Variants in RABGAP1L observed in about 807,000 individuals in gnomAD.
The protein encoded by RABGAP1L is RAB GTPase activating protein 1 like.
A neutral mutation model predicts 137.7 loss-of-function variants in RABGAP1L; 63 were observed. That is an observed-to-expected ratio of 0.46 (90% confidence interval 0.37 to 0.56). The LOEUF is 0.56. RABGAP1L is among the 20% of genes least tolerant of loss of function. The pLI is 0.00. For missense variants in RABGAP1L, 1,095 were observed against 1,244.0 expected (o/e 0.88, Z 1.80); for synonymous variants, 431 against 433.7 (o/e 0.99, Z 0.08).
intron 14 of RABGAP1L, among the ~76,000 whole-genome samples, chr1:174,668,321 A>T (rs1676933893): frequency 6.6e-6 from 1 of 152,150 alleles, no homozygotes; most frequent in South Asian, 2.1e-4. Context: ...CAATGAGGTC[A>T]ACTTTTTTTT....
intron 13 of RABGAP1L, among the ~76,000 whole-genome samples, chr1:174,405,196 T>C (rs1288045260): frequency 1.3e-5 from 2 of 152,258 alleles, no homozygotes; most frequent in East Asian, 3.8e-4. Flanking sequence ...AGTCAAATTA[T>C]AGTATCTGCT....
rs189049398 is a variant in RABGAP1L, at chr1:174,809,609, A to G, written c.2212-2223A>G. Among the ~76,000 whole-genome samples the G allele has an allele frequency of 4.5e-4, 69 of 152,292 alleles. 1 individual carries two copies. Among genetic ancestry groups the G allele is most frequent in the Admixed American group, 1.4e-3 (21 of 15,294 alleles). On this transcript the variant is annotated intron_variant, in intron 18 of 25. Coordinates refer to ENST00000681986, the MANE Select transcript of RABGAP1L (RefSeq NM_001366446.1). Reference sequence around the variant, plus strand: ...GGGGCATCTGTTTCCAGGTAACTAGAGGTTAATTGCATTGAAAATAGAAGA... The same window carrying G: ...GGGGCATCTGTTTCCAGGTAACTAGGGGTTAATTGCATTGAAAATAGAAGA...
chr1:174,399,047 A>G (rs533216182), intron 13 of RABGAP1L, among the ~76,000 whole-genome samples: 20 of 152,332 alleles, frequency 1.3e-4, no homozygotes, highest in African/African-American at 4.6e-4. Flanking sequence ...CAGTTATCAA[A>G]AACATTTTCA....
chr1:174,196,235 T>A (rs560495849), intron 1 of RABGAP1L, among the ~76,000 whole-genome samples: 3 of 150,970 alleles, frequency 2.0e-5, no homozygotes, highest in African/African-American at 7.3e-5. Context: ...TTCTTTTTTT[T>A]TTTTTTGAGA....
chr1:174,985,970 G>A (rs775490151), intron 24 of RABGAP1L, among the ~76,000 whole-genome samples: 12 of 150,614 alleles, frequency 8.0e-5, no homozygotes, highest in South Asian at 4.2e-4. Flanking sequence ...ACGGGGTCTC[G>A]CCCTGTCGCC....
chr1:174,629,377 G>A (rs937982264), intron 13 of RABGAP1L, among the ~76,000 whole-genome samples: 1 of 152,132 alleles, frequency 6.6e-6, no homozygotes, highest in African/African-American at 2.4e-5. Context: ...ATATGAGATG[G>A]ATCAGTGACT....
chr1:174,348,173 T>C (rs1682628064), intron 11 of RABGAP1L, among the ~76,000 whole-genome samples: 1 of 151,674 alleles, frequency 6.6e-6, no homozygotes, highest in Admixed American at 6.5e-5. Flanking sequence ...TTGTATGTTT[T>C]TTGACTTGAG....
chr1:174,247,620 T>A (rs1038365147), intron 5 of RABGAP1L, among the ~76,000 whole-genome samples: 2 of 152,200 alleles, frequency 1.3e-5, no homozygotes, highest in Non-Finnish European at 2.9e-5. Context: ...GCCCCACATG[T>A]TCCTGGCAAC....
chr1:174,509,122 A>G (rs1161357139), intron 13 of RABGAP1L, among the ~76,000 whole-genome samples: 1 of 152,164 alleles, frequency 6.6e-6, no homozygotes, highest in Non-Finnish European at 1.5e-5. Context: ...GAGTAAGGTA[A>G]TTAAGTCCTG....
At chr1:174,238,131 T>A (rs1671384903) in intron 4 of RABGAP1L, among the ~76,000 whole-genome samples, 1 of 152,170 alleles carries the variant, frequency 6.6e-6, no homozygotes, top group South Asian at 2.1e-4. Context: ...TCAGCTCCTT[T>A]AGGCACTTCT....
chr1:174,335,413 G>A (rs932747799), intron 11 of RABGAP1L, among the ~76,000 whole-genome samples: 1 of 152,160 alleles, frequency 6.6e-6, no homozygotes, highest in African/African-American at 2.4e-5. Context: ...TTCTGGGAGA[G>A]ATCTAAAGTA....
At chr1:174,292,191 C>T (rs1191458445) in intron 10 of RABGAP1L, among the ~76,000 whole-genome samples, 1 of 150,816 alleles carries the variant, frequency 6.6e-6, no homozygotes, top group African/African-American at 2.4e-5. Flanking sequence ...GTACATCCAT[C>T]ATGCTTGGCT....
At chr1:174,325,965 G>C (rs903802285) in intron 11 of RABGAP1L, among the ~76,000 whole-genome samples, 1 of 152,230 alleles carries the variant, frequency 6.6e-6, no homozygotes, top group African/African-American at 2.4e-5. Flanking sequence ...TCTATCCTTT[G>C]CATCAGTGAC....
At chr1:174,590,435 G>T (rs1572425874) in intron 13 of RABGAP1L, among the ~76,000 whole-genome samples, 1 of 110,490 alleles carries the variant, frequency 9.1e-6, no homozygotes, top group South Asian at 3.1e-4. Context: ...GTGCCATGCT[G>T]GTGCGCTGCA....
At chr1:174,363,528 T>C (rs1332597829) in intron 11 of RABGAP1L, among the ~76,000 whole-genome samples, 2 of 152,212 alleles carry the variant, frequency 1.3e-5, no homozygotes, top group Admixed American at 6.5e-5. Flanking sequence ...CTAGGTTGAA[T>C]GTCCTTTATT....
At chr1:174,664,199 G>A (rs1295572410) in intron 14 of RABGAP1L, among the ~76,000 whole-genome samples, 2 of 152,152 alleles carry the variant, frequency 1.3e-5, no homozygotes, top group African/African-American at 4.8e-5. Flanking sequence ...TAGTAATTCA[G>A]TGTTTGCTTA....
At chr1:174,276,786 G>C (rs149553183) in intron 9 of RABGAP1L, among the ~76,000 whole-genome samples, 153 of 151,992 alleles carry the variant, frequency 1.0e-3, no homozygotes, top group African/African-American at 3.5e-3. Flanking sequence ...TATAAATGTT[G>C]AATAGTCACA....
chr1:174,782,675 G>A (rs1305176509), intron 18 of RABGAP1L, among the ~76,000 whole-genome samples: 1 of 152,160 alleles, frequency 6.6e-6, no homozygotes, highest in Non-Finnish European at 1.5e-5. Context: ...CGTGGATTGA[G>A]CTAGTGGTAT....
intron 13 of RABGAP1L, among the ~76,000 whole-genome samples, chr1:174,432,453 G>A (rs1652751215): frequency 6.6e-6 from 1 of 152,056 alleles, no homozygotes; most frequent in Non-Finnish European, 1.5e-5. Context: ...ACTAAGCCTT[G>A]GTAATTTTTA....
Sources: gnomAD v4.1 joint callset for allele counts (sites outside exome capture counted in the v4.1 genomes callset) on GRCh38, gnomAD v4.1.1 for gene constraint, MANE v1.5 for transcripts, NCBI Gene and HGNC (gene_info 2026-07-23, HGNC 2026-07-21) for gene names.